NRF1: variants seen among roughly 807,000 people sequenced by gnomAD.
The protein encoded by NRF1 is nuclear respiratory factor 1.
NRF1 carries 5 observed loss-of-function variants against 58.5 expected under a neutral mutation model. The ratio of observed to expected loss-of-function variants is 0.09; its 90% confidence interval spans 0.04 to 0.18. NRF1 has a LOEUF of 0.18. Among genes scored for constraint, NRF1 ranks in the 10% least tolerant of loss-of-function variants. The probability of loss-of-function intolerance (pLI) is 1.00; values close to 1 mark genes in which losing one functional copy is unlikely to be tolerated. For missense variants in NRF1, 288 were observed against 657.7 expected (o/e 0.44, Z 6.15); for synonymous variants, 224 against 246.7 (o/e 0.91, Z 0.86).
chr7:129,735,151 A>G (rs1193504196), intron 10 of NRF1: 4 of 985,374 alleles, frequency 4.1e-6, no homozygotes, highest in Non-Finnish European at 4.8e-6. Flanking sequence ...AGACTCAGAA[A>G]CCACCTATGC....
chr7:129,731,202 T>C (rs1261986006), intron 10 of NRF1, among the ~76,000 whole-genome samples: 6 of 147,716 alleles, frequency 4.1e-5, no homozygotes, highest in Non-Finnish European at 8.9e-5. Context: ...ACCCAGGAGA[T>C]GGAGATTGCA....
At chr7:129,650,310 A>AT (rs1801506523) in intron 1 of NRF1, among the ~76,000 whole-genome samples, 2 of 151,636 alleles carry the variant, frequency 1.3e-5, no homozygotes, top group African/African-American at 4.8e-5. Context: ...CTTACTTTTT[A>AT]TATCAGTTCA....
intron 10 of NRF1, 74 bp downstream of exon 10, chr7:129,727,439 A>G (rs562047035): frequency 4.8e-6 from 7 of 1,468,662 alleles, no homozygotes; most frequent in Middle Eastern, 1.8e-4. Flanking sequence ...ACTGGCAACA[A>G]AGCCTTCAGA....
intron 5 of NRF1, among the ~76,000 whole-genome samples, chr7:129,695,687 T>A (rs77810994): frequency 0.032 from 4,772 of 150,060 alleles, 234 homozygotes; most frequent in African/African-American, 0.11. Context: ...TTTTTTTTTT[T>A]AATCTGGGAA....
chr7:129,614,510 T>A (rs904873298), intron 1 of NRF1, among the ~76,000 whole-genome samples: 1 of 150,540 alleles, frequency 6.6e-6, no homozygotes, highest in African/African-American at 2.4e-5. Flanking sequence ...GAGATGGGGA[T>A]CTTGCTATGT....
At chr7:129,635,514 A>T (rs1375497663) in intron 1 of NRF1, among the ~76,000 whole-genome samples, 1 of 152,194 alleles carries the variant, frequency 6.6e-6, no homozygotes, top group Non-Finnish European at 1.5e-5. Context: ...CCCCAGCTGC[A>T]GCAGAATATC....
At position 129,690,363 on chromosome 7, in the gene NRF1, G is replaced by C. The variant is rs369507589; in HGVS notation, c.466-43G>C. On this transcript the variant is annotated intron_variant, in intron 4 of 10. Transcript: ENST00000393232. The stretch of plus-strand genomic sequence containing the variant: ...TGTTGCTTGGCACCAATCCTCCCTG[G>C]TTGTTGGGCATCTTGTTTACTTCTG... 2.6e-5 allele frequency: 42 copies of C among 1,593,416 alleles called. 1 individual carries two copies. In the South Asian group the frequency reaches 4.1e-4, roughly 15 times the overall value.
At chr7:129,643,442 A>C (rs1237403251) in intron 1 of NRF1, among the ~76,000 whole-genome samples, 3 of 152,230 alleles carry the variant, frequency 2.0e-5, no homozygotes, top group Admixed American at 1.3e-4. Flanking sequence ...GGCAGCCTCT[A>C]ATCCTGCTAT....
intron 1 of NRF1, chr7:129,633,826 GTACTT>G: frequency 6.6e-6 from 1 of 151,170 alleles, no homozygotes; most frequent in East Asian, 1.9e-4. Context: ...ATATAAAACT[GTACTT>G]TAAGAATAAA....
intron 1 of NRF1, among the ~76,000 whole-genome samples, chr7:129,632,932 T>C (rs933246926): frequency 9.9e-5 from 15 of 152,234 alleles, no homozygotes; most frequent in African/African-American, 3.4e-4. Context: ...TTCCCACTTA[T>C]GTATGTATTT....
chr7:129,627,802 C>T (rs558048309), intron 1 of NRF1, among the ~76,000 whole-genome samples: 3 of 152,146 alleles, frequency 2.0e-5, no homozygotes, highest in Non-Finnish European at 2.9e-5. Context: ...TGATTTAACA[C>T]ATTATCTTGG....
chr7:129,681,278 C>T, intron 4 of NRF1, among the ~76,000 whole-genome samples: 1 of 152,228 alleles, frequency 6.6e-6, no homozygotes, highest in African/African-American at 2.4e-5. Flanking sequence ...GCCCTGCCAA[C>T]ACCTTGACTT....
intron 3 of NRF1, among the ~76,000 whole-genome samples, chr7:129,674,030 A>T (rs1282824472): frequency 6.6e-6 from 1 of 151,972 alleles, no homozygotes; most frequent in Non-Finnish European, 1.5e-5. Flanking sequence ...AATCCCAGCT[A>T]GTCGGGAGGC....
chr7:129,692,284 A>G (rs1584645598), intron 5 of NRF1, among the ~76,000 whole-genome samples: 1 of 152,126 alleles, frequency 6.6e-6, no homozygotes, highest in Non-Finnish European at 1.5e-5. Context: ...AACTTAAATC[A>G]TGCCGGACGT....
chr7:129,692,421 T>C (rs977416099), intron 5 of NRF1, among the ~76,000 whole-genome samples: 23 of 151,950 alleles, frequency 1.5e-4, no homozygotes, highest in African/African-American at 5.3e-4. Flanking sequence ...GCCATGGTGG[T>C]GTATGCATGT....
intron 9 of NRF1, among the ~76,000 whole-genome samples, chr7:129,720,717 G>A (rs1244583196): frequency 6.6e-6 from 1 of 152,082 alleles, no homozygotes; most frequent in Non-Finnish European, 1.5e-5. Flanking sequence ...GACAGTTGCA[G>A]GACAGACTTG....
chr7:129,668,037 T>C (rs1156283783), intron 2 of NRF1, among the ~76,000 whole-genome samples: 1 of 152,204 alleles, frequency 6.6e-6, no homozygotes, highest in Non-Finnish European at 1.5e-5. Context: ...AGTGCTGGAT[T>C]ACAAGCTTTC....
chr7:129,642,244 A>G (rs1227292392), intron 1 of NRF1, among the ~76,000 whole-genome samples: 2 of 152,046 alleles, frequency 1.3e-5, no homozygotes, highest in African/African-American at 2.4e-5. Flanking sequence ...TCAGCCTCCC[A>G]AAGTGCTGTG....
chr7:129,690,319 C>T lies in NRF1; in HGVS notation c.466-87C>T, dbSNP rs1562971526. ...AAGGCTATGCAATGGCTCAGGAAGG[C>T]CAGCCCCACCCACTCTCTTGTTGCT... On this transcript the variant is annotated intron_variant, in intron 4 of 10. Coordinates refer to ENST00000393232, the MANE Select transcript of NRF1 (RefSeq NM_005011.5). The T allele has an allele frequency of 4.0e-5, 58 of 1,432,528 alleles. No homozygotes were observed. In the East Asian group the frequency reaches 1.3e-3, roughly 32 times the overall value. 88.7% of individuals were successfully genotyped at this position (1,432,528 alleles called of 1,614,324 possible).
Sources: gnomAD v4.1 joint callset for allele counts (sites outside exome capture counted in the v4.1 genomes callset) on GRCh38, gnomAD v4.1.1 for gene constraint, MANE v1.5 for transcripts, NCBI Gene and HGNC (gene_info 2026-07-23, HGNC 2026-07-21) for gene names.